Variants in ZCCHC24 observed in about 807,000 individuals in gnomAD.
ZCCHC24 encodes zinc finger CCHC-type containing 24.
ZCCHC24 carries 10 observed loss-of-function variants against 26.2 expected under a neutral mutation model. The ratio of observed to expected loss-of-function variants is 0.38; its 90% CI spans 0.24 to 0.65. The LOEUF (loss-of-function observed/expected upper bound fraction) is 0.65, where lower values mean the gene tolerates loss of function less well. Among genes scored for constraint, ZCCHC24 ranks in the 30% least tolerant of loss-of-function variants. The pLI is 0.54. For synonymous variants in ZCCHC24, 144 were observed against 147.1 expected (o/e 0.98, Z 0.15); for missense variants, 243 against 329.1 (o/e 0.74, Z 2.03).
intron 2 of ZCCHC24, among the ~76,000 whole-genome samples, chr10:79,399,676 CTGGGAAG>C (rs1283151308): frequency 6.6e-6 from 1 of 152,158 alleles, no homozygotes; most frequent in African/African-American, 2.4e-5. Flanking sequence ...CGAGGGCAGC[CTGGGAAG>C]TGGGAAGCTG....
intron 2 of ZCCHC24, among the ~76,000 whole-genome samples, chr10:79,425,176 T>G (rs1857008778): frequency 6.6e-6 from 1 of 152,226 alleles, no homozygotes; most frequent in African/African-American, 2.4e-5. Context: ...AACACATTGC[T>G]GCTCAGGCCT....
At chr10:79,423,009 T>C (rs1856968596) in intron 2 of ZCCHC24, among the ~76,000 whole-genome samples, 1 of 152,204 alleles carries the variant, frequency 6.6e-6, no homozygotes, top group Non-Finnish European at 1.5e-5. Context: ...GGCTGTATCC[T>C]TTGACCTCAA....
intron 2 of ZCCHC24, 117 bp from the exon 3 acceptor site, chr10:79,394,557 CT>C: frequency 2.0e-6 from 3 of 1,480,926 alleles, no homozygotes; most frequent in South Asian, 1.4e-5. Context: ...GTGCAGGCAC[CT>C]TTTGTCCCCA....
rs115988399 is a variant in ZCCHC24, at chr10:79,399,939, C to T, written c.448-5499G>A. Reference sequence around the variant, plus strand: ...TTTACTGGGGGTATGCAAGCAGAGGCTGAGAGAACAAGTATCAGGGAGGCT... The same window carrying T: ...TTTACTGGGGGTATGCAAGCAGAGGTTGAGAGAACAAGTATCAGGGAGGCT... On this transcript the variant is annotated intron_variant, in intron 2 of 3. Coordinates refer to ENST00000372336, the MANE Select transcript of ZCCHC24 (RefSeq NM_153367.4). Among the ~76,000 whole-genome samples, 291 of 152,250 alleles carry T rather than the reference C, an allele frequency of 1.9e-3. 3 individuals are homozygous for T. The highest frequency in any genetic ancestry group is 6.8e-3 in the African/African-American group (283 of 41,544).
chr10:79,430,602 T>G (rs1589676845), intron 2 of ZCCHC24, among the ~76,000 whole-genome samples: 1 of 151,988 alleles, frequency 6.6e-6, no homozygotes, highest in East Asian at 1.9e-4. Flanking sequence ...GCCAGGGACC[T>G]TCTGCCCCAG....
At chr10:79,435,440 T>C (rs904780672) in intron 1 of ZCCHC24, among the ~76,000 whole-genome samples, 9 of 152,068 alleles carry the variant, frequency 5.9e-5, no homozygotes, top group Non-Finnish European at 1.0e-4. Flanking sequence ...GGGTGCCCTC[T>C]CCTTGGCAGC....
chr10:79,395,403 A>T (rs1258104998), intron 2 of ZCCHC24, among the ~76,000 whole-genome samples: 1 of 152,252 alleles, frequency 6.6e-6, no homozygotes, highest in South Asian at 2.1e-4. Flanking sequence ...TATAATGAAT[A>T]ACTTCATATA....
At chr10:79,389,973 C>T (rs1856455780) in intron 3 of ZCCHC24, among the ~76,000 whole-genome samples, 1 of 152,136 alleles carries the variant, frequency 6.6e-6, no homozygotes, top group African/African-American at 2.4e-5. Context: ...AGTGAATCCT[C>T]CCACCTTAGC....
chr10:79,407,797 C>G (rs1014551929), intron 2 of ZCCHC24, among the ~76,000 whole-genome samples: 1 of 152,214 alleles, frequency 6.6e-6, no homozygotes, highest in Non-Finnish European at 1.5e-5. Context: ...AGGAGCTGGG[C>G]TGGTTGCAGG....
chr10:79,407,900 C>T (rs1021079240), intron 2 of ZCCHC24, among the ~76,000 whole-genome samples: 19 of 151,946 alleles, frequency 1.3e-4, no homozygotes, highest in African/African-American at 3.4e-4. Context: ...GTGTCAGTGG[C>T]GGCGGGGTAC....
intron 1 of ZCCHC24, among the ~76,000 whole-genome samples, chr10:79,438,281 C>T (rs1564642131): frequency 6.6e-6 from 1 of 152,186 alleles, no homozygotes; most frequent in Non-Finnish European, 1.5e-5. Flanking sequence ...TCATTCATCT[C>T]GCAAATGAAT....
intron 2 of ZCCHC24, among the ~76,000 whole-genome samples, chr10:79,396,818 GGATCCA>G (rs1192081733): frequency 2.0e-5 from 3 of 152,186 alleles, no homozygotes; most frequent in African/African-American, 7.2e-5. Flanking sequence ...CACACGCTCT[GGATCCA>G]GATCCCAGCT....
At position 79,445,289 on chromosome 10, in the gene ZCCHC24, G is replaced by T; in HGVS notation, c.152C>A (p.Pro51Gln). ...RPEPTAGAAPPELAFGKGRPE... is the reference protein window; with the variant it reads ...RPEPTAGAAPQELAFGKGRPE... The stretch of plus-strand genomic sequence containing the variant: ...GCGGCCCTTGCCGAAGGCCAGCTCC[G>T]GGGGTGCGGCGCCGGCGGTCGGCTC... Residue 51 changes from proline (P) to glutamine (Q), a missense_variant, in exon 1 of 4, where the codon CCG becomes CAG. Pro to Gln is a moderately conservative substitution (Grantham distance 76). This residue lies in a region of ZCCHC24 where 147 missense variants were observed against 150.8 expected (regional missense o/e 0.97). Transcript: ENST00000372336. 1 of 1,484,854 alleles carries T rather than the reference G, an allele frequency of 6.7e-7. No homozygotes were observed. 92.0% of individuals were successfully genotyped at this position (1,484,854 alleles called of 1,614,324 possible). A position where few individuals can be genotyped will look rare whatever the true frequency, so the allele number is the denominator to read the frequency against.
intron 3 of ZCCHC24, among the ~76,000 whole-genome samples, chr10:79,392,603 C>A (rs1378998185): frequency 6.6e-6 from 1 of 152,220 alleles, no homozygotes; most frequent in Non-Finnish European, 1.5e-5. Flanking sequence ...TCCACAACAC[C>A]CAGCCCAAGG....
chr10:79,417,847 A>G (rs1207702450), intron 2 of ZCCHC24, among the ~76,000 whole-genome samples: 1 of 152,122 alleles, frequency 6.6e-6, no homozygotes, highest in Non-Finnish European at 1.5e-5. Flanking sequence ...TTGGAATGGG[A>G]GGGAGTGGGG....
chr10:79,427,881 T>C (rs747356001), intron 2 of ZCCHC24, among the ~76,000 whole-genome samples: 3 of 151,326 alleles, frequency 2.0e-5, no homozygotes, highest in Non-Finnish European at 4.4e-5. Flanking sequence ...CCTGTCTCCA[T>C]AAAAAGAGGA....
chr10:79,398,971 C>T (rs1856591233), intron 2 of ZCCHC24, among the ~76,000 whole-genome samples: 1 of 152,178 alleles, frequency 6.6e-6, no homozygotes, highest in Admixed American at 6.5e-5. Context: ...CACACTTGAC[C>T]CACCTCTTCT....
intron 3 of ZCCHC24, among the ~76,000 whole-genome samples, chr10:79,388,034 G>A (rs1331106556): frequency 6.6e-6 from 1 of 152,190 alleles, no homozygotes; most frequent in South Asian, 2.1e-4. Flanking sequence ...GGGAAGAGAG[G>A]AGTTGGACTT....
At position 79,394,586 on chromosome 10, in the gene ZCCHC24, G is replaced by T. The variant is rs1856520319; in HGVS notation, c.448-146C>A. Reference sequence around the variant, plus strand: ...TGTCCCCAGTCTAGATAATACCAGGGTCATCCCCAGAGCACAGACGGGAAT... The same window carrying T: ...TGTCCCCAGTCTAGATAATACCAGGTTCATCCCCAGAGCACAGACGGGAAT... On this transcript the variant is annotated intron_variant, in intron 2 of 3. Coordinates refer to ENST00000372336, the MANE Select transcript of ZCCHC24 (RefSeq NM_153367.4). The T allele has an allele frequency of 4.2e-6, 6 of 1,423,742 alleles. No homozygotes were observed. The Admixed American group carries it at 1.1e-4, about 27-fold the overall frequency. 88.2% of individuals were successfully genotyped at this position (1,423,742 alleles called of 1,614,324 possible).
Sources: gnomAD v4.1 joint callset for allele counts (sites outside exome capture counted in the v4.1 genomes callset) on GRCh38, gnomAD v4.1.1 for gene constraint, gnomAD v4.1.1 regional missense constraint, MANE v1.5 for transcripts, NCBI Gene and HGNC (gene_info 2026-07-23, HGNC 2026-07-21) for gene names.